PKLR: variants seen among roughly 807,000 people sequenced by gnomAD.
The protein encoded by PKLR is pyruvate kinase L/R.
PKLR carries 38 observed loss-of-function variants against 53.6 expected under a neutral mutation model. The observed-to-expected ratio is 0.71, with a 90% CI of 0.55 to 0.93. PKLR has a LOEUF of 0.93. PKLR is among the 40% of genes least tolerant of loss of function. The probability of loss-of-function intolerance (pLI) is 0.00; values close to 1 mark genes in which losing one functional copy is unlikely to be tolerated. For synonymous variants in PKLR, 328 were observed against 316.2 expected (o/e 1.04, Z -0.39); for missense variants, 702 against 787.3 (o/e 0.89, Z 1.30).
chr1:155,300,099 G>T lies in PKLR; in HGVS notation c.282C>A (p.Ile94=). ...CTGCAGGGGGATGGGAGTGCTTACC[G>T]ATGGTGGCAATGATGCTGGTACTGC... ...AARSTSIIAT[I]GPASRSVERL... The change falls in exon 2 of 11, where the codon ATC becomes ATA. Residue 94 remains isoleucine, a splice_region_variant and synonymous_variant. Transcript: ENST00000342741. 6.2e-7 allele frequency: 1 copy of T among 1,613,580 alleles called. No homozygotes were observed. Among genetic ancestry groups the T allele is most frequent in the South Asian group, 1.1e-5 (1 of 91,086 alleles).
At chr1:155,304,732 T>C (rs1329773663), upstream of PKLR, among the ~76,000 whole-genome samples, 1 of 152,212 alleles carries the variant, frequency 6.6e-6, no homozygotes, top group Non-Finnish European at 1.5e-5. Flanking sequence ...ATTCAAGCTT[T>C]CTGTTTTGAC....
Position 155,291,853 on chromosome 1 carries a change from G to A in PKLR, c.1521C>T (p.His507=), listed in dbSNP as rs201011399. The A allele has an allele frequency of 1.5e-5, 24 of 1,614,140 alleles. No individual in the cohort carries two copies. In the African/African-American group the frequency reaches 2.8e-4, roughly 19 times the overall value. ...TRSAQAARQV[H]LCRGVFPLLY... ...GCAAGGGGAAGACTCCTCGGCATAA[G>A]TGGACCTGGCGGGCAGCCTGGGCAG... The change falls in exon 10 of 11, where the codon CAC becomes CAT. Residue 507 remains histidine (H), a synonymous_variant. Coordinates refer to ENST00000342741, the MANE Select transcript of PKLR (RefSeq NM_000298.6).
chr1:155,301,292 T>C lies in PKLR; in HGVS notation c.100+4A>G, dbSNP rs1557965575. 6.2e-7 allele frequency: 1 copy of C among 1,614,020 alleles called. No homozygotes were observed. On this transcript the variant is annotated splice_donor_region_variant and intron_variant, in intron 1 of 10. Coordinates refer to ENST00000342741, the MANE Select transcript of PKLR (RefSeq NM_000298.6). ...GTTCCATGGCTTCTGTCTCCCCTTC[T>C]TACCTCCTGGAGCCCCAATCAGGAT... is the stretch of plus-strand genomic sequence containing the variant.
chr1:155,305,328 G>GATT (rs1256254530), upstream of PKLR, among the ~76,000 whole-genome samples: 15 of 152,182 alleles, frequency 9.9e-5, no homozygotes, highest in Non-Finnish European at 1.3e-4. Flanking sequence ...TTCAGGCCCA[G>GATT]ATAGTGGAGC....
chr1:155,302,400 CTAATTTT>C (rs1157745031), upstream of PKLR, among the ~76,000 whole-genome samples: 1 of 151,946 alleles, frequency 6.6e-6, no homozygotes, highest in East Asian at 1.9e-4. Flanking sequence ...CCACGCCTGG[CTAATTTT>C]TGTATTTTTA....
chr1:155,300,389 G>A, intron 1 of PKLR, 109 bp from the exon 2 acceptor site: 2 of 814,920 alleles, frequency 2.5e-6, no homozygotes, highest in Admixed American at 4.2e-5. Flanking sequence ...TGGGCATCAT[G>A]CATATATTAT....
In PKLR at chr1:155,295,785, C is replaced by T. The variant is rs571281785; in HGVS notation, c.284-29G>A. 9.2e-4 allele frequency: 1,468 copies of T among 1,597,012 alleles called. 20 individuals are homozygous for T. In the South Asian group the frequency reaches 0.015, roughly 16 times the overall value. ...GAACCAGAGATTCACGTTCAGACAA[C>T]GTTCCCCCAGAACATGAGAGGCAAC... On this transcript the variant is annotated intron_variant, in intron 2 of 10. Transcript: ENST00000342741. The surrounding 1 kb of genome is among the most constrained non-coding windows in gnomAD (Gnocchi z 4.3).
At chr1:155,299,972 A>T in intron 2 of PKLR, 126 bp downstream of exon 2, 1 of 1,036,148 alleles carries the variant, frequency 9.7e-7, no homozygotes, top group South Asian at 1.4e-5. Context: ...TATATGCTCA[A>T]CAAATTTTTG....
In PKLR at chr1:155,291,799, C is replaced by A; in HGVS notation, c.1575G>T (p.Trp525Cys). ...LLYREPPEAI[W>C]ADDVDRRVQF... ...GCACCCGGCGATCTACATCATCTGCCCAGATGGCTTCTGGAGGTTCACGGT... is the reference window on the plus strand; with the variant it reads ...GCACCCGGCGATCTACATCATCTGCACAGATGGCTTCTGGAGGTTCACGGT... The change falls in exon 10 of 11, where the codon TGG becomes TGT. Residue 525 changes from tryptophan to cysteine, a missense_variant. By Grantham distance (215) the Trp-to-Cys change is radical (BLOSUM62 -2). Transcript: ENST00000342741. 5.6e-6 allele frequency: 9 copies of A among 1,614,088 alleles called. No individual in the cohort carries two copies. The highest frequency in any genetic ancestry group is 7.6e-6 in the Non-Finnish European group (9 of 1,180,014).
Position 155,294,725 on chromosome 1 carries a change from T to C in PKLR, c.722A>G (p.Glu241Gly). The C allele has an allele frequency of 6.2e-7, 1 of 1,613,974 alleles. No homozygotes were observed. Among genetic ancestry groups the C allele is most frequent in the Admixed American group, 1.7e-5 (1 of 60,022 alleles). ...IGPEGLVTQV[E>G]NGGVLGSRKG... ...CCGGCTGCCCAGGACGCCGCCGTTC[T>C]CCACTTGGGTCACCAGTCCCTCTGG... The change falls in exon 6 of 11, where the codon GAG (glutamate) becomes GGG (glycine). Residue 241 changes from glutamate to glycine, a missense_variant. Physicochemically the swap from Glu to Gly is moderately conservative, Grantham distance 98. Around this residue, in one of 2 missense-constraint regions of PKLR, gnomAD observed 519 missense variants for 537.1 expected, o/e 0.97. Coordinates refer to ENST00000342741, the MANE Select transcript of PKLR (RefSeq NM_000298.6).
rs1046309002 is a variant in PKLR, at chr1:155,295,180, G to T, written c.630C>A (p.Val210=). ...VWVDYPNIVR[V]VPVGGRIYID... ...TGTAGATGCGGCCCCCCACCGGCACGACCCGGACAATATTGGGGTAGTCCA... is the reference window on the plus strand; with the variant it reads ...TGTAGATGCGGCCCCCCACCGGCACTACCCGGACAATATTGGGGTAGTCCA... The change falls in exon 5 of 11, where the codon GTC becomes GTA. Residue 210 remains valine, a synonymous_variant. Transcript: ENST00000342741. The surrounding 1 kb of genome is among the most constrained non-coding windows in gnomAD (Gnocchi z 4.3). The T allele has an allele frequency of 6.2e-7, 1 of 1,614,122 alleles. No individual in the cohort carries two copies. The highest frequency in any genetic ancestry group is 8.5e-7 in the Non-Finnish European group (1 of 1,179,984).
At position 155,290,469 on chromosome 1, in the gene PKLR, G is replaced by A. The variant is rs938195318; in HGVS notation, c.*103C>T. The A allele has an allele frequency of 8.2e-6, 6 of 731,020 alleles. No homozygotes were observed. In the African/African-American group the frequency reaches 1.0e-4, roughly 13 times the overall value. 45.3% of individuals were successfully genotyped at this position (731,020 alleles called of 1,614,324 possible). ...GGAGGGTCAGGAATAGAGAAGAGAG[G>A]ACTTAAAGGTGGGGCTTTGGAGGGG... On this transcript the variant is annotated 3_prime_UTR_variant, in exon 11 of 11. Coordinates refer to ENST00000342741, the MANE Select transcript of PKLR (RefSeq NM_000298.6).
At chr1:155,305,120 T>TA (rs1390030328), upstream of PKLR, among the ~76,000 whole-genome samples, 3 of 152,162 alleles carry the variant, frequency 2.0e-5, no homozygotes, top group Non-Finnish European at 4.4e-5. Flanking sequence ...CTTACAGGGG[T>TA]AACAAAGCCC....
rs141560532 is a variant in PKLR at position 155,291,890 on chromosome 1, G to A, written c.1484C>T (p.Ala495Val). 151 of 1,613,820 alleles carry A rather than the reference G, an allele frequency of 9.4e-5. No homozygotes were observed. Among genetic ancestry groups the A allele is most frequent in the Non-Finnish European group, 1.1e-4 (133 of 1,180,018 alleles). ...GGCAGCCTGGGCAGAGCGGGTGACA[G>A]CAATGACTGCTGCCCGAGGTCGGTA... ...SRYRPRAAVI[A>V]VTRSAQAARQ... The change falls in exon 10 of 11, where the codon GCT (alanine) becomes GTT (valine). Residue 495 changes from alanine (A) to valine (V), a missense_variant. Ala to Val is a moderately conservative substitution (Grantham distance 64). Around this residue, in one of 2 missense-constraint regions of PKLR, gnomAD observed 183 missense variants for 250.2 expected, o/e 0.73. Transcript: ENST00000342741.
chr1:155,295,246 G>T lies in PKLR; in HGVS notation c.564C>A (p.Asp188Glu). 6.2e-7 allele frequency: 1 copy of T among 1,614,098 alleles called. No homozygotes were observed. Among genetic ancestry groups the T allele is most frequent in the Non-Finnish European group, 8.5e-7 (1 of 1,179,990 alleles). Residue 188 changes from aspartate to glutamate, a missense_variant, in exon 5 of 11, where the codon GAC (aspartate) becomes GAA (glutamate). By Grantham distance (45) the Asp-to-Glu change is conservative. Coordinates refer to ENST00000342741, the MANE Select transcript of PKLR (RefSeq NM_000298.6). This position sits in a 1 kb window ranked among gnomAD's most constrained non-coding sequence, Gnocchi z 4.3. ...VKGSQVLVTVDPAFRTRGNAN... is the reference protein window; with the variant it reads ...VKGSQVLVTVEPAFRTRGNAN... ...CGTTCCCCCGCGTCCGGAACGCGGGGTCCACAGTCACCAGCACCTGGGAGC... is the reference window on the plus strand; with the variant it reads ...CGTTCCCCCGCGTCCGGAACGCGGGTTCCACAGTCACCAGCACCTGGGAGC...
At chr1:155,301,563 C>A, upstream of PKLR, 1 of 733,528 alleles carries the variant, frequency 1.4e-6, no homozygotes, top group Non-Finnish European at 2.3e-6. Context: ...CTGCCCTCAT[C>A]TCCTGGCATT....
At chr1:155,302,500 G>C (rs1648077389), upstream of PKLR, among the ~76,000 whole-genome samples, 1 of 151,838 alleles carries the variant, frequency 6.6e-6, no homozygotes, top group African/African-American at 2.4e-5. Context: ...GCTTCCCAAA[G>C]TGCTGGGATT....
chr1:155,298,994 C>CTT (rs777188437), intron 2 of PKLR, among the ~76,000 whole-genome samples: 5 of 96,756 alleles, frequency 5.2e-5, no homozygotes, highest in Admixed American at 2.0e-4. Flanking sequence ...TTCTTTCTTT[C>CTT]TTTCTTTCTT....
upstream of PKLR, among the ~76,000 whole-genome samples, chr1:155,302,584 G>A (rs1443078058): frequency 1.3e-5 from 2 of 151,972 alleles, no homozygotes; most frequent in Non-Finnish European, 2.9e-5. Flanking sequence ...TGTTGTCCAG[G>A]CTGGTCTCCA....
Sources: allele counts gnomAD v4.1 joint callset (sites outside exome capture counted in the v4.1 genomes callset), GRCh38; gene constraint gnomAD v4.1.1; regional missense constraint gnomAD v4.1.1; non-coding constraint Gnocchi (gnomAD v3.1); transcripts MANE v1.5; gene names NCBI Gene and HGNC (gene_info 2026-07-23, HGNC 2026-07-21).